The following FOXJ3 variants were observed in gnomAD, a reference collection of about 807,000 sequenced individuals.
The protein encoded by FOXJ3 is forkhead box protein J3.
A neutral mutation model predicts 76.1 loss-of-function variants in FOXJ3; 22 were observed. That is an observed-to-expected ratio of 0.29 (90% confidence interval 0.21 to 0.41). FOXJ3 has a LOEUF of 0.41. Among genes scored for constraint, FOXJ3 ranks in the 10% least tolerant of loss-of-function variants. The pLI is 1.00. For missense variants in FOXJ3, 613 were observed against 762.1 expected, an observed-to-expected ratio of 0.80 and a Z score of 2.30; for synonymous variants, 269 against 261.2, an observed-to-expected ratio of 1.03 and a Z score of -0.29.
Position 42,186,194 on chromosome 1 carries a change from C to T in FOXJ3, c.1645+2543G>A, listed in dbSNP as rs181848008. Among the ~76,000 whole-genome samples the T allele has an allele frequency of 7.9e-5, 12 of 152,118 alleles. No individual in the cohort carries two copies. In the East Asian group the frequency reaches 1.5e-3, roughly 20 times the overall value. On this transcript the variant is annotated intron_variant, in intron 11 of 12. Coordinates refer to ENST00000361346, the MANE Select transcript of FOXJ3 (RefSeq NM_014947.5). ...TGTAAGACAGAGAAAAAAGGAATGA[C>T]AGAAAGACACTGACACTTAAAACAA...
chr1:42,285,569 G>A (rs2124692274), intron 2 of FOXJ3, among the ~76,000 whole-genome samples: 1 of 152,240 alleles, frequency 6.6e-6, no homozygotes, highest in South Asian at 2.1e-4. Flanking sequence ...ACTCCCCAAG[G>A]CTTATCAACG....
chr1:42,207,051 A>G (rs1054552479), intron 5 of FOXJ3, among the ~76,000 whole-genome samples: 34 of 152,024 alleles, frequency 2.2e-4, no homozygotes, highest in Non-Finnish European at 3.8e-4. Context: ...GCTGGTCTTG[A>G]ACTCCTGACC....
Position 42,227,868 on chromosome 1 carries a change from A to G in FOXJ3, c.528+15T>C. Reference sequence around the variant, plus strand: ...TTCAATGCATTACACTAAATTTATGATAAAGAGCCTTTACCCGTTCTACAG... The same window carrying G: ...TTCAATGCATTACACTAAATTTATGGTAAAGAGCCTTTACCCGTTCTACAG... On this transcript the variant is annotated intron_variant, in intron 5 of 12. Coordinates refer to ENST00000361346, the MANE Select transcript of FOXJ3 (RefSeq NM_014947.5). The G allele has an allele frequency of 6.8e-7, 1 of 1,481,136 alleles. No individual in the cohort carries two copies. Among genetic ancestry groups the G allele is most frequent in the Non-Finnish European group, 9.3e-7 (1 of 1,080,704 alleles). 91.7% of individuals were successfully genotyped at this position (1,481,136 alleles called of 1,614,324 possible).
intron 6 of FOXJ3, among the ~76,000 whole-genome samples, chr1:42,200,396 T>TG (rs1310724062): frequency 6.6e-6 from 1 of 152,254 alleles, no homozygotes; most frequent in Non-Finnish European, 1.5e-5. Context: ...TTCATTTTTT[T>TG]GTGCAACAGA....
intron 4 of FOXJ3, among the ~76,000 whole-genome samples, chr1:42,241,779 C>T (rs1649164228): frequency 6.6e-6 from 1 of 152,226 alleles, no homozygotes; most frequent in Admixed American, 6.5e-5. Context: ...ACTGCTGCCA[C>T]TGTCGGCAAC....
At chr1:42,309,294 C>A (rs1442253286) in intron 2 of FOXJ3, among the ~76,000 whole-genome samples, 1 of 152,170 alleles carries the variant, frequency 6.6e-6, no homozygotes, top group Non-Finnish European at 1.5e-5. Flanking sequence ...CACTCCTCCT[C>A]AAACATACAA....
intron 4 of FOXJ3, among the ~76,000 whole-genome samples, chr1:42,252,044 T>C (rs565433879): frequency 1.6e-4 from 24 of 152,278 alleles, no homozygotes; most frequent in African/African-American, 5.8e-4. Context: ...TTGAGGATTT[T>C]TGCATCAATG....
At chr1:42,315,494 T>A in intron 1 of FOXJ3, 1 of 598,304 alleles carries the variant, frequency 1.7e-6, no homozygotes, top group Non-Finnish European at 2.1e-6. Context: ...TCCAATAAGT[T>A]ACCATTTACT....
intron 1 of FOXJ3, among the ~76,000 whole-genome samples, chr1:42,324,097 A>AC (rs1369925445): frequency 7.5e-6 from 1 of 133,876 alleles, no homozygotes; most frequent in African/African-American, 3.0e-5. Context: ...TACTGTATAT[A>AC]TACTGTGTAT....
At chr1:42,323,058 G>T (rs964596114) in intron 1 of FOXJ3, among the ~76,000 whole-genome samples, 1 of 152,138 alleles carries the variant, frequency 6.6e-6, no homozygotes, top group African/African-American at 2.4e-5. Context: ...TATCAAACTA[G>T]TGAGGGATCA....
At chr1:42,327,723 G>A (rs1362027900) in intron 1 of FOXJ3, among the ~76,000 whole-genome samples, 3 of 152,084 alleles carry the variant, frequency 2.0e-5, no homozygotes, top group Non-Finnish European at 4.4e-5. Context: ...AATTTACAAG[G>A]TTTTTAATAA....
intron 1 of FOXJ3, among the ~76,000 whole-genome samples, chr1:42,317,232 A>G (rs1655170326): frequency 6.6e-6 from 1 of 152,146 alleles, no homozygotes; most frequent in African/African-American, 2.4e-5. Context: ...TTATTATACC[A>G]TTAGTAACAG....
intron 5 of FOXJ3, among the ~76,000 whole-genome samples, chr1:42,209,683 T>C (rs997361129): frequency 2.0e-5 from 3 of 151,984 alleles, no homozygotes; most frequent in Admixed American, 6.6e-5. Flanking sequence ...GTGGGGAGAA[T>C]ATGAGGAGAA....
chr1:42,221,252 T>C (rs1414550192), intron 5 of FOXJ3, among the ~76,000 whole-genome samples: 1 of 152,152 alleles, frequency 6.6e-6, no homozygotes, highest in African/African-American at 2.4e-5. Context: ...TGACCTCATG[T>C]GCTCCCTGAA....
intron 4 of FOXJ3, among the ~76,000 whole-genome samples, chr1:42,239,143 AC>A (rs1176067441): frequency 6.6e-6 from 1 of 152,198 alleles, no homozygotes; most frequent in East Asian, 1.9e-4. Flanking sequence ...TGCTAAACTC[AC>A]ATATTATTTC....
At chr1:42,239,960 A>G (rs1557665309) in intron 4 of FOXJ3, among the ~76,000 whole-genome samples, 1 of 152,186 alleles carries the variant, frequency 6.6e-6, no homozygotes, top group Non-Finnish European at 1.5e-5. Flanking sequence ...TAATTATATA[A>G]AAGTTGTAGT....
intron 3 of FOXJ3, among the ~76,000 whole-genome samples, chr1:42,274,650 G>A (rs1341135400): frequency 6.6e-6 from 1 of 152,150 alleles, no homozygotes; most frequent in African/African-American, 2.4e-5. Context: ...AAGAGACAAT[G>A]ATGGCACTTA....
At chr1:42,241,811 G>A (rs764185803) in intron 4 of FOXJ3, among the ~76,000 whole-genome samples, 19 of 152,124 alleles carry the variant, frequency 1.2e-4, no homozygotes, top group South Asian at 2.1e-4. Context: ...CCTTGAGGCC[G>A]AATGGCCCAA....
intron 8 of FOXJ3, 104 bp downstream of exon 8, chr1:42,194,786 T>C: frequency 1.4e-6 from 1 of 718,138 alleles, no homozygotes; most frequent in South Asian, 2.1e-5. Flanking sequence ...CTTATTGTGA[T>C]GATAATATTC....
Sources: allele counts gnomAD v4.1 joint callset (sites outside exome capture counted in the v4.1 genomes callset), GRCh38; gene constraint gnomAD v4.1.1; transcripts MANE v1.5; gene names NCBI Gene and HGNC (gene_info 2026-07-23, HGNC 2026-07-21).